The following SPIDR variants were observed in gnomAD, a reference collection of about 807,000 sequenced individuals.
The protein encoded by SPIDR is scaffold protein involved in DNA repair.
Under a neutral mutation model 104.6 loss-of-function variants are expected in SPIDR, and 93 were observed. The observed-to-expected ratio is 0.89, with a 90% CI of 0.75 to 1.06. The LOEUF (loss-of-function observed/expected upper bound fraction) is 1.06. Among genes scored for constraint, SPIDR ranks in the 50% least tolerant of loss-of-function variants. The probability of loss-of-function intolerance (pLI) is 0.00; values close to 1 mark genes in which losing one functional copy is unlikely to be tolerated. For missense variants in SPIDR, 1,154 were observed against 1,111.2 expected (o/e 1.04, Z -0.55); for synonymous variants, 431 against 416.9 (o/e 1.03, Z -0.41).
intron 8 of SPIDR, among the ~76,000 whole-genome samples, chr8:47,549,263 A>G (rs1220888963): frequency 6.6e-6 from 1 of 152,222 alleles, no homozygotes; most frequent in Non-Finnish European, 1.5e-5. Context: ...AGCATGATTT[A>G]TAATCCTTTG....
At chr8:47,579,301 CCAGT>C (rs1311295206) in intron 8 of SPIDR, among the ~76,000 whole-genome samples, 4 of 152,134 alleles carry the variant, frequency 2.6e-5, no homozygotes, top group Non-Finnish European at 5.9e-5. Flanking sequence ...CTTTTCAAAT[CCAGT>C]CAGTCAAAAA....
At chr8:47,509,646 C>G (rs2082013886) in intron 8 of SPIDR, among the ~76,000 whole-genome samples, 1 of 152,156 alleles carries the variant, frequency 6.6e-6, no homozygotes, top group African/African-American at 2.4e-5. Flanking sequence ...CCTACTTTCA[C>G]ATTTATTTTC....
intron 5 of SPIDR, among the ~76,000 whole-genome samples, chr8:47,359,017 C>T (rs1251319109): frequency 6.6e-6 from 1 of 152,044 alleles, no homozygotes; most frequent in African/African-American, 2.4e-5. Flanking sequence ...TCTAGCATGA[C>T]TAGGATTTCA....
At chr8:47,547,000 T>G in intron 8 of SPIDR, 1 of 508,964 alleles carries the variant, frequency 2.0e-6, no homozygotes, top group Non-Finnish European at 3.9e-6. Flanking sequence ...TGCCTCTCTC[T>G]GTGGGTAATG....
intron 8 of SPIDR, among the ~76,000 whole-genome samples, chr8:47,441,756 A>G (rs1554697272): frequency 1.3e-5 from 2 of 152,168 alleles, no homozygotes; most frequent in Non-Finnish European, 2.9e-5. Context: ...GTTTTATTCT[A>G]AGACTTTCAT....
intron 10 of SPIDR, among the ~76,000 whole-genome samples, chr8:47,666,560 T>C (rs997453775): frequency 6.6e-5 from 10 of 152,222 alleles, no homozygotes; most frequent in Non-Finnish European, 1.2e-4. Flanking sequence ...TTGGGCAAGA[T>C]AGTAAACCTT....
At chr8:47,374,642 A>G (rs868933585) in intron 5 of SPIDR, among the ~76,000 whole-genome samples, 5 of 152,074 alleles carry the variant, frequency 3.3e-5, no homozygotes, top group Admixed American at 2.0e-4. Flanking sequence ...TTAGTTTTAG[A>G]TGTTTTCTTC....
intron 8 of SPIDR, among the ~76,000 whole-genome samples, chr8:47,518,506 T>C (rs1341350139): frequency 1.3e-5 from 2 of 152,210 alleles, no homozygotes; most frequent in Non-Finnish European, 2.9e-5. Context: ...GGTCCCATTA[T>C]GTGTCTAGAC....
At chr8:47,589,130 CAG>C (rs2060676552) in intron 8 of SPIDR, among the ~76,000 whole-genome samples, 1 of 142,630 alleles carries the variant, frequency 7.0e-6, no homozygotes, top group Admixed American at 7.5e-5. Context: ...TTCTAGAAGA[CAG>C]TGTGTAGAAT....
chr8:47,680,475 A>G (rs1168500241), intron 11 of SPIDR, among the ~76,000 whole-genome samples: 3 of 152,212 alleles, frequency 2.0e-5, no homozygotes, highest in Non-Finnish European at 4.4e-5. Flanking sequence ...GGGAACCCTT[A>G]GGAATCATTC....
intron 8 of SPIDR, among the ~76,000 whole-genome samples, chr8:47,475,303 C>T (rs2076153487): frequency 6.6e-6 from 1 of 152,324 alleles, no homozygotes; most frequent in South Asian, 2.1e-4. Flanking sequence ...GCATGCCCTG[C>T]CGGGCCCAGA....
At chr8:47,640,628 A>C (rs2068709136) in intron 10 of SPIDR, among the ~76,000 whole-genome samples, 1 of 152,010 alleles carries the variant, frequency 6.6e-6, no homozygotes, top group South Asian at 2.1e-4. Context: ...AAAAGTATAA[A>C]ATTTTATGCT....
chr8:47,299,783 G>T (rs1467628890), intron 5 of SPIDR, among the ~76,000 whole-genome samples: 1 of 152,194 alleles, frequency 6.6e-6, no homozygotes, highest in Non-Finnish European at 1.5e-5. Context: ...AACCAGCCTT[G>T]CATCCCAGGG....
intron 5 of SPIDR, among the ~76,000 whole-genome samples, chr8:47,385,170 T>C (rs1269522770): frequency 2.0e-5 from 3 of 152,244 alleles, no homozygotes; most frequent in Non-Finnish European, 4.4e-5. Context: ...TTAATCATTG[T>C]TGTTTCTTGT....
At chr8:47,273,305 G>C in intron 1 of SPIDR, among the ~76,000 whole-genome samples, 1 of 152,204 alleles carries the variant, frequency 6.6e-6, no homozygotes, top group African/African-American at 2.4e-5. Flanking sequence ...ATAAGTAAGG[G>C]AAATACTTAC....
At chr8:47,483,871 G>A (rs1243708528) in intron 8 of SPIDR, among the ~76,000 whole-genome samples, 1 of 152,080 alleles carries the variant, frequency 6.6e-6, no homozygotes, top group Non-Finnish European at 1.5e-5. Flanking sequence ...ATTCTTAGAA[G>A]CGAGTATGAG....
At chr8:47,382,519 T>C (rs2059434333) in intron 5 of SPIDR, among the ~76,000 whole-genome samples, 1 of 152,200 alleles carries the variant, frequency 6.6e-6, no homozygotes. Context: ...TTCAAACGAT[T>C]CTCCTGCCTC....
chr8:47,690,000 T>C (rs185590446), intron 11 of SPIDR, among the ~76,000 whole-genome samples: 15 of 152,296 alleles, frequency 9.8e-5, no homozygotes, highest in African/African-American at 3.6e-4. Flanking sequence ...ATAAGATGAA[T>C]TGTAAGGAGA....
intron 5 of SPIDR, among the ~76,000 whole-genome samples, chr8:47,303,086 G>A (rs1006542065): frequency 5.3e-5 from 8 of 152,192 alleles, no homozygotes; most frequent in African/African-American, 1.2e-4. Flanking sequence ...GCTGTGGTGC[G>A]CTCCACCCAG....
Sources: allele counts gnomAD v4.1 joint callset (sites outside exome capture counted in the v4.1 genomes callset), GRCh38; gene constraint gnomAD v4.1.1; transcripts MANE v1.5; gene names NCBI Gene and HGNC (gene_info 2026-07-23, HGNC 2026-07-21).